The following SLC41A2 variants were observed in gnomAD, a reference collection of about 807,000 sequenced individuals.
The protein encoded by SLC41A2 is solute carrier family 41 member 2.
SLC41A2 carries 32 observed loss-of-function variants against 58.3 expected under a neutral mutation model. That is an observed-to-expected ratio of 0.55 (90% CI 0.41 to 0.74). The LOEUF (loss-of-function observed/expected upper bound fraction) is 0.74, where lower values mean the gene tolerates loss of function less well. Among genes scored for constraint, SLC41A2 ranks in the 30% least tolerant of loss-of-function variants. The pLI, the probability that SLC41A2 is intolerant of heterozygous loss-of-function variation, is 0.00. For synonymous variants in SLC41A2, 190 were observed against 235.0 expected (o/e 0.81, Z 1.75); for missense variants, 514 against 680.6 (o/e 0.76, Z 2.72).
At chr12:104,883,427 G>T (rs1239254642) in intron 6 of SLC41A2, among the ~76,000 whole-genome samples, 1 of 152,178 alleles carries the variant, frequency 6.6e-6, no homozygotes, top group Non-Finnish European at 1.5e-5. Context: ...CAGCTTTTCT[G>T]CTCTGGTTTC....
intron 6 of SLC41A2, among the ~76,000 whole-genome samples, chr12:104,877,934 C>T (rs368796913): frequency 3.3e-5 from 5 of 151,774 alleles, no homozygotes; most frequent in Non-Finnish European, 7.4e-5. Flanking sequence ...ACTTGAACCC[C>T]GGAGGCAGAG....
At chr12:104,904,452 C>T (rs186603368) in intron 3 of SLC41A2, among the ~76,000 whole-genome samples, 12 of 152,320 alleles carry the variant, frequency 7.9e-5, no homozygotes, top group Admixed American at 7.2e-4. Flanking sequence ...TTCACCAGTT[C>T]TTATAACATA....
chr12:104,944,511 T>C (rs1354808622), intron 1 of SLC41A2, among the ~76,000 whole-genome samples: 1 of 152,244 alleles, frequency 6.6e-6, no homozygotes, highest in Non-Finnish European at 1.5e-5. Context: ...CTCAATTATC[T>C]TGGCATCAAG....
At chr12:104,856,463 GACT>G (rs1435787917) in intron 8 of SLC41A2, among the ~76,000 whole-genome samples, 1 of 152,112 alleles carries the variant, frequency 6.6e-6, no homozygotes, top group Admixed American at 6.5e-5. Context: ...AAAAAATACA[GACT>G]ACACTTGGGA....
chr12:104,877,088 T>C (rs1303801131), intron 6 of SLC41A2, among the ~76,000 whole-genome samples: 1 of 152,238 alleles, frequency 6.6e-6, no homozygotes, highest in East Asian at 1.9e-4. Context: ...TAAAGCCTAC[T>C]GCTATCATAA....
At chr12:104,823,671 C>A (rs1592940519) in intron 10 of SLC41A2, among the ~76,000 whole-genome samples, 1 of 152,082 alleles carries the variant, frequency 6.6e-6, no homozygotes, top group Admixed American at 6.6e-5. Context: ...ACTAGAAAAT[C>A]TCTAAAACAG....
At chr12:104,891,865 A>G (rs1313957436) in intron 4 of SLC41A2, among the ~76,000 whole-genome samples, 1 of 152,244 alleles carries the variant, frequency 6.6e-6, no homozygotes, top group Non-Finnish European at 1.5e-5. Flanking sequence ...AAATCAACAC[A>G]CAAGAAGCAG....
At chr12:104,878,171 CTT>C (rs1368096318) in intron 6 of SLC41A2, among the ~76,000 whole-genome samples, 32 of 151,646 alleles carry the variant, frequency 2.1e-4, no homozygotes, top group Admixed American at 2.1e-3. Context: ...ACGGCATTCT[CTT>C]TCTTACTTTC....
chr12:104,824,362 G>A (rs1274044083), intron 10 of SLC41A2, among the ~76,000 whole-genome samples: 5 of 152,110 alleles, frequency 3.3e-5, no homozygotes, highest in African/African-American at 9.7e-5. Flanking sequence ...ACAGGCACCA[G>A]CATGCAAGCA....
intron 3 of SLC41A2, among the ~76,000 whole-genome samples, chr12:104,898,514 A>G (rs1338706415): frequency 6.7e-6 from 1 of 149,314 alleles, no homozygotes; most frequent in Non-Finnish European, 1.5e-5. Flanking sequence ...TTCATGCATT[A>G]TTTTAAAAAA....
chr12:104,861,520 A>G (rs901882092), intron 7 of SLC41A2, 150 bp from the exon 8 acceptor site: 16 of 572,186 alleles, frequency 2.8e-5, no homozygotes, highest in African/African-American at 2.5e-4. Context: ...AGTAAAAATC[A>G]ATGTCAACAG....
At chr12:104,842,126 C>T (rs770448310) in intron 10 of SLC41A2, among the ~76,000 whole-genome samples, 1 of 151,968 alleles carries the variant, frequency 6.6e-6, no homozygotes, top group African/African-American at 2.4e-5. Context: ...GTGAAAGATT[C>T]TTTGTCTTTA....
intron 1 of SLC41A2, among the ~76,000 whole-genome samples, chr12:104,933,246 G>T (rs187951761): frequency 9.7e-4 from 147 of 152,186 alleles, no homozygotes; most frequent in African/African-American, 3.2e-3. Context: ...CTCAAAAGAA[G>T]ACATACAAAT....
chr12:104,846,418 A>C (rs2042600435), intron 8 of SLC41A2, among the ~76,000 whole-genome samples: 1 of 152,226 alleles, frequency 6.6e-6, no homozygotes, highest in African/African-American at 2.4e-5. Flanking sequence ...CTGAGGCAGA[A>C]GAGTTGATGC....
chr12:104,905,352 A>T (rs1288809608), intron 3 of SLC41A2, among the ~76,000 whole-genome samples: 1 of 152,230 alleles, frequency 6.6e-6, no homozygotes, highest in African/African-American at 2.4e-5. Context: ...CCAAACCTTG[A>T]GCTAAACACA....
At chr12:104,952,915 T>G (rs552900612) in intron 1 of SLC41A2, among the ~76,000 whole-genome samples, 1 of 152,324 alleles carries the variant, frequency 6.6e-6, no homozygotes, top group East Asian at 1.9e-4. Context: ...CTCTTTAACA[T>G]CCATGTCCCT....
At chr12:104,828,580 C>T (rs1200896245) in intron 10 of SLC41A2, among the ~76,000 whole-genome samples, 3 of 152,150 alleles carry the variant, frequency 2.0e-5, no homozygotes, top group Non-Finnish European at 4.4e-5. Flanking sequence ...ACAGCCTGCC[C>T]ATCTGTATGC....
In SLC41A2 at chr12:104,928,623, T is replaced by C. The variant is rs2046943452; in HGVS notation, c.-96A>G. The stretch of plus-strand genomic sequence containing the variant: ...CGCACAAACACTGGTTTAAATTAAG[T>C]TGTTGACTTCATTGTGTAGAAAATA... On this transcript the variant is annotated 5_prime_UTR_variant, in exon 2 of 11. Coordinates refer to ENST00000258538, the MANE Select transcript of SLC41A2 (RefSeq NM_001352171.3). 6.2e-6 allele frequency: 4 copies of C among 641,548 alleles called. No individual in the cohort carries two copies. The highest frequency in any genetic ancestry group is 3.8e-5 in the Admixed American group (1 of 26,570). 39.7% of individuals were successfully genotyped at this position (641,548 alleles called of 1,614,324 possible). A position where few individuals can be genotyped will look rare whatever the true frequency, so the allele number is the denominator to read the frequency against.
chr12:104,830,637 G>C (rs2042005349), intron 10 of SLC41A2, among the ~76,000 whole-genome samples: 2 of 151,532 alleles, frequency 1.3e-5, no homozygotes, highest in Non-Finnish European at 2.9e-5. Context: ...ACATCTCAGA[G>C]GACCACCGAA....
Sources: allele counts gnomAD v4.1 joint callset (sites outside exome capture counted in the v4.1 genomes callset), GRCh38; gene constraint gnomAD v4.1.1; transcripts MANE v1.5; gene names NCBI Gene and HGNC (gene_info 2026-07-23, HGNC 2026-07-21).